The following SFMBT2 variants were observed in gnomAD, a reference collection of about 807,000 sequenced individuals.
SFMBT2 encodes the protein Scm like with four mbt domains 2.
Under a neutral mutation model 110.1 loss-of-function variants are expected in SFMBT2, and 38 were observed. That is an observed-to-expected ratio of 0.35 (90% CI 0.27 to 0.45). The LOEUF (loss-of-function observed/expected upper bound fraction) is 0.45. Ranked by LOEUF, SFMBT2 falls within the 20% of genes least tolerant of loss-of-function variation. The pLI, the probability that SFMBT2 is intolerant of heterozygous loss-of-function variation, is 1.00. For synonymous variants in SFMBT2, 425 were observed against 425.4 expected (o/e 1.00, Z 0.01); for missense variants, 1,011 against 1,094.9 (o/e 0.92, Z 1.08).
chr10:7,323,580 G>A (rs538132014), intron 4 of SFMBT2, among the ~76,000 whole-genome samples: 92 of 151,900 alleles, frequency 6.1e-4, no homozygotes, highest in African/African-American at 2.2e-3. Context: ...TTCAACTATA[G>A]TGGTTTTTTC....
At chr10:7,287,077 CTT>C (rs761728311) in intron 4 of SFMBT2, among the ~76,000 whole-genome samples, 2 of 99,668 alleles carry the variant, frequency 2.0e-5, no homozygotes, top group African/African-American at 3.8e-5. Context: ...TTTGAGGCAT[CTT>C]TTTTTTTTTT....
chr10:7,292,741 G>A (rs893880934), intron 4 of SFMBT2, among the ~76,000 whole-genome samples: 1 of 152,182 alleles, frequency 6.6e-6, no homozygotes, highest in African/African-American at 2.4e-5. Flanking sequence ...TTTAGGTGGG[G>A]TGCGATGGCT....
chr10:7,262,687 C>T (rs1005149044), intron 7 of SFMBT2, among the ~76,000 whole-genome samples: 1 of 152,168 alleles, frequency 6.6e-6, no homozygotes, highest in Admixed American at 6.5e-5. Flanking sequence ...GGAGCTCAGG[C>T]CCCAGTGATC....
At chr10:7,179,024 A>T (rs573743497) in intron 16 of SFMBT2, among the ~76,000 whole-genome samples, 36 of 152,256 alleles carry the variant, frequency 2.4e-4, no homozygotes, top group African/African-American at 8.7e-4. Context: ...CCACTAATAA[A>T]TCTTTTTTTT....
chr10:7,222,976 G>A (rs780412745), intron 10 of SFMBT2, among the ~76,000 whole-genome samples: 3 of 152,018 alleles, frequency 2.0e-5, no homozygotes, highest in Non-Finnish European at 4.4e-5. Flanking sequence ...TTATAAGGAC[G>A]CCAGTCACAC....
At chr10:7,214,643 C>CGTAA in intron 11 of SFMBT2, 1 of 985,476 alleles carries the variant, frequency 1.0e-6, no homozygotes, top group Non-Finnish European at 1.2e-6. Context: ...CTGCCTTGCA[C>CGTAA]GTAAGTGCTG....
chr10:7,239,227 A>G (rs1840358085), intron 9 of SFMBT2, among the ~76,000 whole-genome samples: 1 of 152,254 alleles, frequency 6.6e-6, no homozygotes, highest in African/African-American at 2.4e-5. Context: ...GGCAGCATCC[A>G]TGTTCTTAAC....
At chr10:7,206,205 T>C in intron 11 of SFMBT2, 3 of 985,186 alleles carry the variant, frequency 3.0e-6, no homozygotes, top group Non-Finnish European at 3.6e-6. Flanking sequence ...GCCCTAAAAG[T>C]AAAAGAGGAA....
At chr10:7,256,650 C>T (rs541696035) in intron 7 of SFMBT2, among the ~76,000 whole-genome samples, 2 of 152,176 alleles carry the variant, frequency 1.3e-5, no homozygotes, top group Non-Finnish European at 2.9e-5. Flanking sequence ...TATCCTCCAT[C>T]GATACCGACT....
rs144023237 is a variant in SFMBT2, at chr10:7,335,282, T to C, written c.436+32367A>G. Among the ~76,000 whole-genome samples the C allele has an allele frequency of 5.3e-3, 810 of 152,298 alleles. 3 individuals carry two copies. The highest frequency in any genetic ancestry group is 0.017 in the African/African-American group (697 of 41,558). ...ACTGTACAGTTAAAACTGGTCCACA[T>C]TGCAAATTGTATGTTATGTCTATTT... On this transcript the variant is annotated intron_variant, in intron 4 of 20. Coordinates refer to ENST00000397167, the MANE Select transcript of SFMBT2 (RefSeq NM_001387889.1).
chr10:7,266,922 A>AG (rs1395363585), intron 7 of SFMBT2, among the ~76,000 whole-genome samples: 8 of 151,942 alleles, frequency 5.3e-5, no homozygotes, highest in African/African-American at 1.2e-4. Flanking sequence ...CTCGCCTGCA[A>AG]GGGGGGGTCT....
chr10:7,267,812 G>A (rs1428162228), intron 7 of SFMBT2, among the ~76,000 whole-genome samples: 3 of 152,202 alleles, frequency 2.0e-5, no homozygotes, highest in East Asian at 1.9e-4. Flanking sequence ...GATAAAAAAA[G>A]GATCATAGAT....
rs1838989068 is a variant in SFMBT2 at position 7,202,490 on chromosome 10, G to A, written c.1477C>T (p.Pro493Ser). Residue 493 changes from proline (P) to serine (S), a missense_variant, in exon 13 of 21, where the codon CCA becomes TCA. Physicochemically the swap from Pro to Ser is moderately conservative, Grantham distance 74. This residue lies in a region of SFMBT2 where 979 missense variants were observed against 1,016.1 expected (regional missense o/e 0.96). Transcript: ENST00000397167. ...GAAAAAAGCACGTACTGTTTCTCTG[G>A]TTGCACGACTGCAATCTTTCTCTTC... The part of the protein sequence containing the change: ...QKKRKIAVVQ[P>S]EKQLPPTVPV... 1 of 1,614,058 alleles carries A rather than the reference G, an allele frequency of 6.2e-7. No individual in the cohort carries two copies. Among genetic ancestry groups the A allele is most frequent in the African/African-American group, 1.3e-5 (1 of 74,926 alleles).
chr10:7,206,491 G>A (rs1208971111), intron 11 of SFMBT2: 1 of 984,906 alleles, frequency 1.0e-6, no homozygotes, highest in Non-Finnish European at 1.2e-6. Context: ...CCCTTCTCTA[G>A]GAAACCTGAC....
At chr10:7,303,113 T>C (rs1370128515) in intron 4 of SFMBT2, among the ~76,000 whole-genome samples, 12 of 152,234 alleles carry the variant, frequency 7.9e-5, no homozygotes, top group Admixed American at 6.5e-4. Context: ...ATTTGGATTA[T>C]TGCATGTGGC....
chr10:7,223,641 T>C (rs544886871), intron 10 of SFMBT2, among the ~76,000 whole-genome samples: 105 of 152,344 alleles, frequency 6.9e-4, no homozygotes, highest in African/African-American at 2.1e-3. Flanking sequence ...ATTTCAAATA[T>C]TGTATTTTTG....
In SFMBT2 at chr10:7,301,259, G is replaced by A. The variant is rs773520216; in HGVS notation, c.437-15305C>T. Among the ~76,000 whole-genome samples the A allele has an allele frequency of 8.5e-5, 13 of 152,222 alleles. No homozygotes were observed. Among genetic ancestry groups the A allele is most frequent in the Non-Finnish European group, 1.8e-4 (12 of 68,038 alleles). On this transcript the variant is annotated intron_variant, in intron 4 of 20. Coordinates refer to ENST00000397167, the MANE Select transcript of SFMBT2 (RefSeq NM_001387889.1). This position sits in a 1 kb window ranked among gnomAD's most constrained non-coding sequence, Gnocchi z 4.2. ...GCAGTTATTAGCGTCTTTATGTCAT[G>A]TGCAAATCAGCGTGAGACACTAGTA...
At chr10:7,343,134 A>T (rs1380615998) in intron 4 of SFMBT2, among the ~76,000 whole-genome samples, 3 of 151,936 alleles carry the variant, frequency 2.0e-5, no homozygotes, top group Non-Finnish European at 4.4e-5. Context: ...GAGAGCATGC[A>T]GCATCTGGTT....
In SFMBT2 at chr10:7,170,960, A is replaced by G. The variant is rs753910392; in HGVS notation, c.2512T>C (p.Cys838Arg). The change falls in exon 20 of 21, where the codon TGT (cysteine) becomes CGT (arginine). Residue 838 changes from cysteine (C) to arginine (R), a missense_variant. By Grantham distance (180) the Cys-to-Arg change is radical. Around this residue, in one of 2 missense-constraint regions of SFMBT2, gnomAD observed 32 missense variants for 78.8 expected, o/e 0.41. Coordinates refer to ENST00000397167, the MANE Select transcript of SFMBT2 (RefSeq NM_001387889.1). The surrounding 1 kb of genome is among the most constrained non-coding windows in gnomAD (Gnocchi z 4.6). ...DVVRFIKLTD[C>R]APLAKIFQEQ... ...TGAAATATCTTGGCCAAGGGGGCAC[A>G]GTCTGTCAGCTTAATGAACCTCACC... The G allele has an allele frequency of 1.2e-6, 2 of 1,614,216 alleles. No individual in the cohort carries two copies. Among genetic ancestry groups the G allele is most frequent in the Admixed American group, 1.7e-5 (1 of 60,028 alleles).
Sources: gnomAD v4.1 joint callset for allele counts (sites outside exome capture counted in the v4.1 genomes callset) on GRCh38, gnomAD v4.1.1 for gene constraint, gnomAD v4.1.1 regional missense constraint, Gnocchi (gnomAD v3.1) non-coding constraint, MANE v1.5 for transcripts, NCBI Gene and HGNC (gene_info 2026-07-23, HGNC 2026-07-21) for gene names.